DCUN1D3: variants seen among roughly 807,000 people sequenced by gnomAD.
The protein encoded by DCUN1D3 is defective in cullin neddylation 1 domain containing 3, also known as DCN1-like protein 3.
In DCUN1D3, 6 loss-of-function variants were observed where a neutral mutation model predicts 24.8. That is an observed-to-expected ratio of 0.24 (90% confidence interval 0.13 to 0.48). The LOEUF is 0.48. Among genes scored for constraint, DCUN1D3 ranks in the 20% least tolerant of loss-of-function variants. The probability of loss-of-function intolerance (pLI) is 0.99; values close to 1 mark genes in which losing one functional copy is unlikely to be tolerated. For missense variants in DCUN1D3, 258 were observed against 379.4 expected (o/e 0.68, Z 2.66); for synonymous variants, 120 against 144.9 (o/e 0.83, Z 1.24).
intron 1 of DCUN1D3, among the ~76,000 whole-genome samples, chr16:20,863,458 G>A (rs1217589212): frequency 1.3e-5 from 2 of 152,180 alleles, no homozygotes; most frequent in South Asian, 2.1e-4. Flanking sequence ...AGAAGGACTG[G>A]GGCCGGTTGC....
rs1414771959 is a variant in DCUN1D3, at chr16:20,856,997, T to C, written c.*2889A>G. ...TCTGAGGGGCATGCATTCAGCCTCT[T>C]ACACAGACTTACTGCTCACTCATTA... On this transcript the variant is annotated 3_prime_UTR_variant, in exon 3 of 3. Coordinates refer to ENST00000324344, the MANE Select transcript of DCUN1D3 (RefSeq NM_173475.4). The C allele has an allele frequency of 6.6e-6, 1 of 152,192 alleles. No individual in the cohort carries two copies. The highest frequency in any genetic ancestry group is 2.4e-5 in the African/African-American group (1 of 41,450). 9.4% of individuals were successfully genotyped at this position (152,192 alleles called of 1,614,324 possible).
rs373780069 is a variant in DCUN1D3, at chr16:20,857,882, T to C, written c.*2004A>G. The stretch of plus-strand genomic sequence containing the variant: ...ATGGTCAATATCAGTTTTAGAAAAA[T>C]ACCAACTGCCAAAACTCTTTAATAA... On this transcript the variant is annotated 3_prime_UTR_variant, in exon 3 of 3. Transcript: ENST00000324344. 2 of 151,138 alleles carry C rather than the reference T, an allele frequency of 1.3e-5. No individual in the cohort carries two copies. Among genetic ancestry groups the C allele is most frequent in the Non-Finnish European group, 2.9e-5 (2 of 67,850 alleles). The allele number at this position is 151,138 out of a possible 1,614,324, so 9.4% of individuals were successfully genotyped here.
intron 1 of DCUN1D3, among the ~76,000 whole-genome samples, chr16:20,871,682 T>C (rs1030879426): frequency 3.9e-5 from 6 of 152,200 alleles, no homozygotes; most frequent in Non-Finnish European, 7.3e-5. Context: ...AACCATTTTT[T>C]TGGTCTCTGG....
At chr16:20,884,676 G>A (rs2081860329) in intron 1 of DCUN1D3, among the ~76,000 whole-genome samples, 1 of 152,152 alleles carries the variant, frequency 6.6e-6, no homozygotes, top group African/African-American at 2.4e-5. Context: ...CCTTGCCAAT[G>A]TGCCCAATGA....
chr16:20,872,091 T>C (rs907374507), intron 1 of DCUN1D3, among the ~76,000 whole-genome samples: 1 of 152,170 alleles, frequency 6.6e-6, no homozygotes, highest in Non-Finnish European at 1.5e-5. Flanking sequence ...CTCCTTCCAG[T>C]CAGCATATGG....
At chr16:20,893,239 T>C (rs961728045) in intron 1 of DCUN1D3, among the ~76,000 whole-genome samples, 2 of 151,896 alleles carry the variant, frequency 1.3e-5, no homozygotes, top group Middle Eastern at 3.2e-3. Flanking sequence ...AGTGGTGCGA[T>C]CTCAGCTCAC....
intron 1 of DCUN1D3, among the ~76,000 whole-genome samples, chr16:20,867,400 G>A (rs559877575): frequency 2.0e-5 from 3 of 152,262 alleles, no homozygotes. Flanking sequence ...ATCCAGGCAA[G>A]CACCATGCAC....
At chr16:20,886,282 T>C (rs943924998) in intron 1 of DCUN1D3, among the ~76,000 whole-genome samples, 3 of 152,188 alleles carry the variant, frequency 2.0e-5, no homozygotes, top group Non-Finnish European at 2.9e-5. Context: ...AAAGACTTCA[T>C]TGAATAAGGT....
chr16:20,887,258 C>A (rs571994580), intron 1 of DCUN1D3, among the ~76,000 whole-genome samples: 3 of 152,156 alleles, frequency 2.0e-5, no homozygotes, highest in Admixed American at 2.0e-4. Context: ...GCCAAGATAG[C>A]GCCACTGCAC....
chr16:20,897,395 C>T (rs1200269252), intron 1 of DCUN1D3, among the ~76,000 whole-genome samples: 1 of 152,144 alleles, frequency 6.6e-6, no homozygotes, highest in Non-Finnish European at 1.5e-5. Flanking sequence ...CCCAAAGATG[C>T]CGACACAGTG....
rs557109777 is a variant in DCUN1D3, at chr16:20,878,027, C to T, written c.-105-15384G>A. ...ATGTTGCCCAGGCTGGTCTCGAACT[C>T]CTGGGCTCAAGCAATCCTTCTGCCT... On this transcript the variant is annotated intron_variant, in intron 1 of 2. Transcript: ENST00000324344. Among the ~76,000 whole-genome samples the T allele has an allele frequency of 2.0e-5, 3 of 152,256 alleles. 1 individual carries two copies. Among genetic ancestry groups the T allele is most frequent in the Admixed American group, 1.3e-4 (2 of 15,294 alleles).
chr16:20,876,648 C>T (rs1013829554), intron 1 of DCUN1D3, among the ~76,000 whole-genome samples: 10 of 152,198 alleles, frequency 6.6e-5, no homozygotes, highest in Admixed American at 2.6e-4. Context: ...GAGATCTGCA[C>T]TCCCATGTTT....
At chr16:20,893,095 G>T (rs74014626) in intron 1 of DCUN1D3, among the ~76,000 whole-genome samples, 2,725 of 152,204 alleles carry the variant, frequency 0.018, 79 homozygotes, top group African/African-American at 0.062. Context: ...GACAGAACAA[G>T]AATTAGTGCA....
chr16:20,892,830 C>A (rs2081898261), intron 1 of DCUN1D3, among the ~76,000 whole-genome samples: 1 of 152,204 alleles, frequency 6.6e-6, no homozygotes, highest in African/African-American at 2.4e-5. Context: ...ACTTTCAGAA[C>A]TATTCTGAAG....
intron 1 of DCUN1D3, among the ~76,000 whole-genome samples, chr16:20,884,913 T>C (rs1414357170): frequency 6.6e-6 from 1 of 151,196 alleles, no homozygotes; most frequent in African/African-American, 2.4e-5. Context: ...AGACCCCATC[T>C]CAAAATAAAT....
chr16:20,891,245 G>A (rs2081891064), intron 1 of DCUN1D3, among the ~76,000 whole-genome samples: 1 of 152,056 alleles, frequency 6.6e-6, no homozygotes. Context: ...ACCCACCTCG[G>A]CCTCCCAAAG....
chr16:20,861,763 A>G (rs2081734369), intron 2 of DCUN1D3, among the ~76,000 whole-genome samples: 5 of 151,920 alleles, frequency 3.3e-5, no homozygotes, highest in Admixed American at 6.6e-5. Context: ...AAAAAAAAGA[A>G]AAAGAAAAAG....
Position 20,859,880 on chromosome 16 carries a change from G to A in DCUN1D3, c.*6C>T, listed in dbSNP as rs780364586. ...GATCCTTGCTGCTGCTCCTGGGACA[G>A]AGCCACTAAGTCTGCTCCTCGGGAC... On this transcript the variant is annotated 3_prime_UTR_variant, in exon 3 of 3. Transcript: ENST00000324344. The A allele has an allele frequency of 1.3e-6, 2 of 1,596,484 alleles. No individual in the cohort carries two copies. Among genetic ancestry groups the A allele is most frequent in the Non-Finnish European group, 1.7e-6 (2 of 1,168,660 alleles).
intron 1 of DCUN1D3, among the ~76,000 whole-genome samples, chr16:20,887,243 A>G (rs1211077126): frequency 1.3e-5 from 2 of 152,216 alleles, no homozygotes; most frequent in African/African-American, 2.4e-5. Context: ...CAGAGGTTGC[A>G]GTGAGCCAAG....
Sources: allele counts gnomAD v4.1 joint callset (sites outside exome capture counted in the v4.1 genomes callset), GRCh38; gene constraint gnomAD v4.1.1; transcripts MANE v1.5; gene names NCBI Gene and HGNC (gene_info 2026-07-23, HGNC 2026-07-21).